Variants in GMDS observed in about 807,000 individuals in gnomAD.
GMDS encodes GDP-mannose 4,6 dehydratase.
Under a neutral mutation model 49.9 loss-of-function variants are expected in GMDS, and 20 were observed. The ratio of observed to expected loss-of-function variants is 0.40; its 90% CI spans 0.28 to 0.58. GMDS has a LOEUF of 0.58. Ranked by LOEUF, GMDS falls within the 20% of genes least tolerant of loss-of-function variation. The pLI is 0.42. For synonymous variants in GMDS, 177 were observed against 178.6 expected, an observed-to-expected ratio of 0.99 and a Z score of 0.07; for missense variants, 362 against 481.4, an observed-to-expected ratio of 0.75 and a Z score of 2.32.
intron 7 of GMDS, among the ~76,000 whole-genome samples, chr6:1,928,772 C>A (rs1056412167): frequency 6.6e-6 from 1 of 152,162 alleles, no homozygotes; most frequent in Non-Finnish European, 1.5e-5. Context: ...AGTTTGAGAC[C>A]CGCCTGGTCA....
chr6:2,198,351 A>C (rs61096641), intron 1 of GMDS, among the ~76,000 whole-genome samples: 17,769 of 152,244 alleles, frequency 0.12, 3,468 homozygotes, highest in African/African-American at 0.4. Flanking sequence ...ATAGGAAAAA[A>C]ATATTTGTTA....
chr6:2,034,777 C>T (rs1769189551), intron 4 of GMDS, among the ~76,000 whole-genome samples: 2 of 152,262 alleles, frequency 1.3e-5, no homozygotes, highest in South Asian at 4.1e-4. Flanking sequence ...CTTATATTCT[C>T]ACACGTATAC....
chr6:1,654,820 T>C (rs187213606), intron 9 of GMDS, among the ~76,000 whole-genome samples: 7 of 152,270 alleles, frequency 4.6e-5, no homozygotes, highest in Admixed American at 3.9e-4. Context: ...TCCAGCACTT[T>C]GGGAGCTCGA....
chr6:1,733,546 G>A (rs1766899081), intron 8 of GMDS, among the ~76,000 whole-genome samples: 2 of 152,234 alleles, frequency 1.3e-5, no homozygotes. Context: ...GCCAGATGCA[G>A]TGGCTCATGC....
intron 6 of GMDS, among the ~76,000 whole-genome samples, chr6:1,938,898 T>C (rs910249176): frequency 6.6e-6 from 1 of 151,864 alleles, no homozygotes; most frequent in Non-Finnish European, 1.5e-5. Flanking sequence ...CCTTCAGCAA[T>C]CTAATCTAAG....
At chr6:1,626,070 C>CTAGATTCATGATTCTAGATTCAT (rs1762842529) in intron 9 of GMDS, 2 of 152,174 alleles carry the variant, frequency 1.3e-5, no homozygotes, top group South Asian at 4.1e-4. Flanking sequence ...TCATGATGGT[C>CTAGATTCATGATTCTAGATTCAT]GAGAGGGCAG....
rs114125131 is a variant in GMDS at position 1,936,343 on chromosome 6, G to T, written c.644-6113C>A. On this transcript the variant is annotated intron_variant, in intron 6 of 10. Transcript: ENST00000380815. Reference sequence around the variant, plus strand: ...TGGTGCATTGAGACTTGAAGGCTAAGACTACTTAAGAGTAAAGCTCACTCC... The same window carrying T: ...TGGTGCATTGAGACTTGAAGGCTAATACTACTTAAGAGTAAAGCTCACTCC... 6.9e-3 allele frequency among the ~76,000 whole-genome samples: 1,045 copies of T among 152,254 alleles called. 7 individuals are homozygous for T. Among genetic ancestry groups the T allele is most frequent in the African/African-American group, 0.023 (970 of 41,546 alleles).
At chr6:2,066,571 C>T (rs1408304140) in intron 4 of GMDS, among the ~76,000 whole-genome samples, 1 of 151,794 alleles carries the variant, frequency 6.6e-6, no homozygotes, top group Non-Finnish European at 1.5e-5. Context: ...GGATGAAGAT[C>T]TACCAAGCAA....
At chr6:1,690,728 G>A (rs2113335132) in intron 9 of GMDS, among the ~76,000 whole-genome samples, 1 of 152,276 alleles carries the variant, frequency 6.6e-6, no homozygotes, top group Non-Finnish European at 1.5e-5. Flanking sequence ...CTCAAAAGAA[G>A]ACATTTATGC....
chr6:1,695,866 A>G (rs1408592785), intron 9 of GMDS, among the ~76,000 whole-genome samples: 1 of 150,770 alleles, frequency 6.6e-6, no homozygotes, highest in African/African-American at 2.4e-5. Context: ...GAGCAAGCTG[A>G]ACGTGGCCAG....
Position 1,913,592 on chromosome 6 carries a change from T to A in GMDS, c.771+16511A>T, listed in dbSNP as rs3800129. 3.9e-5 allele frequency among the ~76,000 whole-genome samples: 6 copies of A among 152,344 alleles called. No individual in the cohort carries two copies. The East Asian group carries it at 1.2e-3, about 29-fold the overall frequency. On this transcript the variant is annotated intron_variant, in intron 7 of 10. Coordinates refer to ENST00000380815, the MANE Select transcript of GMDS (RefSeq NM_001500.4). ...TCCAGTCACAGGGAAAAAAAGGCTA[T>A]GTCAAAAATGACAATAATATGCACT... is the stretch of plus-strand genomic sequence containing the variant.
At chr6:1,822,496 A>C (rs1432541451) in intron 7 of GMDS, among the ~76,000 whole-genome samples, 2 of 152,252 alleles carry the variant, frequency 1.3e-5, no homozygotes, top group Non-Finnish European at 2.9e-5. Context: ...TTCCAAGAGT[A>C]GAAAGGAATC....
At chr6:2,094,213 G>A (rs988026987) in intron 4 of GMDS, among the ~76,000 whole-genome samples, 3 of 152,284 alleles carry the variant, frequency 2.0e-5, no homozygotes, top group East Asian at 3.9e-4. Flanking sequence ...TGTTGCACAC[G>A]TTAGAAAGTA....
chr6:1,673,833 C>T (rs1039900185), intron 9 of GMDS, among the ~76,000 whole-genome samples: 1 of 151,922 alleles, frequency 6.6e-6, no homozygotes, highest in Non-Finnish European at 1.5e-5. Context: ...TAGCGACATA[C>T]ATTTAAGGTT....
chr6:2,003,037 C>T (rs974847226), intron 4 of GMDS, among the ~76,000 whole-genome samples: 11 of 152,074 alleles, frequency 7.2e-5, no homozygotes, highest in Non-Finnish European at 1.2e-4. Context: ...ATATAGAACA[C>T]TGGCTACCAC....
intron 7 of GMDS, among the ~76,000 whole-genome samples, chr6:1,837,872 C>T (rs985357338): frequency 2.0e-5 from 3 of 152,154 alleles, no homozygotes; most frequent in Non-Finnish European, 4.4e-5. Context: ...GAAGGAGACC[C>T]AGGCCTCACA....
intron 4 of GMDS, among the ~76,000 whole-genome samples, chr6:2,112,378 GCATTTAAGGAA>G: frequency 6.6e-6 from 1 of 152,148 alleles, no homozygotes; most frequent in Non-Finnish European, 1.5e-5. Flanking sequence ...TAAGAAGAAA[GCATTTAAGGAA>G]CATATTCTAT....
intron 7 of GMDS, among the ~76,000 whole-genome samples, chr6:1,756,396 T>C (rs899317516): frequency 6.6e-6 from 1 of 152,176 alleles, no homozygotes; most frequent in Non-Finnish European, 1.5e-5. Context: ...CCTGAGTAGC[T>C]GGAATTACAG....
At chr6:1,863,267 C>T (rs1262115405) in intron 7 of GMDS, among the ~76,000 whole-genome samples, 3 of 152,004 alleles carry the variant, frequency 2.0e-5, no homozygotes, top group Non-Finnish European at 2.9e-5. Context: ...TAGGAAAACC[C>T]ACCATAGGAA....
Sources: gnomAD v4.1 joint callset for allele counts (sites outside exome capture counted in the v4.1 genomes callset) on GRCh38, gnomAD v4.1.1 for gene constraint, MANE v1.5 for transcripts, NCBI Gene and HGNC (gene_info 2026-07-23, HGNC 2026-07-21) for gene names.